SLC25A12: variants seen among roughly 807,000 people sequenced by gnomAD.
The protein encoded by SLC25A12 is solute carrier family 25 member 12, also known as electrogenic aspartate/glutamate antiporter SLC25A12, mitochondrial.
A neutral mutation model predicts 83.3 loss-of-function variants in SLC25A12; 32 were observed. That is an observed-to-expected ratio of 0.38 (90% CI 0.29 to 0.52). SLC25A12 has a LOEUF of 0.52. SLC25A12 is among the 20% of genes least tolerant of loss of function. The pLI, the probability that SLC25A12 is intolerant of heterozygous loss-of-function variation, is 0.84. For missense variants in SLC25A12, 611 were observed against 835.6 expected, an observed-to-expected ratio of 0.73 and a Z score of 3.31; for synonymous variants, 267 against 291.1, an observed-to-expected ratio of 0.92 and a Z score of 0.84.
At chr2:171,831,850 G>C (rs1417322350) in intron 8 of SLC25A12, among the ~76,000 whole-genome samples, 1 of 150,910 alleles carries the variant, frequency 6.6e-6, no homozygotes, top group Admixed American at 6.6e-5. Context: ...AGTGGGCTGA[G>C]ATCATGCCAC....
In SLC25A12 at chr2:171,855,553, C is replaced by A. The variant is rs188542634; in HGVS notation, c.325+281G>T. On this transcript the variant is annotated intron_variant, in intron 4 of 17. Transcript: ENST00000422440. Reference sequence around the variant, plus strand: ...GACCTTGTAAGGAATTTTGCCCAGGCTGGCCCAGAACAAGAAAATCTTACA... The same window carrying A: ...GACCTTGTAAGGAATTTTGCCCAGGATGGCCCAGAACAAGAAAATCTTACA... 2.7e-5 allele frequency among the ~76,000 whole-genome samples: 4 copies of A among 149,918 alleles called. No individual in the cohort carries two copies. In the East Asian group the frequency reaches 7.9e-4, roughly 30 times the overall value.
chr2:171,789,220 C>T (rs1023099285), intron 15 of SLC25A12, among the ~76,000 whole-genome samples: 24 of 152,058 alleles, frequency 1.6e-4, no homozygotes, highest in African/African-American at 4.8e-4. Context: ...TGAGACCTCA[C>T]ATTTACAGCC....
intron 2 of SLC25A12, 92 bp downstream of exon 2, chr2:171,893,113 G>T: frequency 1.0e-6 from 1 of 990,402 alleles, no homozygotes; most frequent in Non-Finnish European, 1.6e-6. Context: ...CATGAAAACT[G>T]AACATTCCTC....
At chr2:171,890,747 T>C (rs1233128950) in intron 2 of SLC25A12, among the ~76,000 whole-genome samples, 1 of 152,134 alleles carries the variant, frequency 6.6e-6, no homozygotes, top group Non-Finnish European at 1.5e-5. Flanking sequence ...CCTCCCAAAG[T>C]GCTGAGATTA....
rs375126289 is a variant in SLC25A12 at position 171,826,823 on chromosome 2, T to C, written c.905A>G (p.Tyr302Cys). ...IAPLAEGALP[Y>C]NLAELQRQQS... ...CTGTCTCTGAAGTTCTGCCAGGTTG[T>C]AAGGTAAGGCCCCCTCAGCCAATGG... Residue 302 changes from tyrosine to cysteine, a missense_variant, in exon 9 of 18, where the codon TAC (tyrosine) becomes TGC (cysteine). Transcript: ENST00000422440. The C allele has an allele frequency of 9.5e-5, 152 of 1,608,458 alleles. No individual in the cohort carries two copies. Among genetic ancestry groups the C allele is most frequent in the Non-Finnish European group, 1.3e-4 (147 of 1,175,102 alleles).
At chr2:171,887,260 A>C (rs1274349709) in intron 2 of SLC25A12, among the ~76,000 whole-genome samples, 1 of 152,224 alleles carries the variant, frequency 6.6e-6, no homozygotes, top group Non-Finnish European at 1.5e-5. Context: ...CTCTAACCTA[A>C]AATAAGACAG....
intron 3 of SLC25A12, among the ~76,000 whole-genome samples, chr2:171,868,287 G>A (rs190363642): frequency 1.6e-3 from 247 of 149,798 alleles, no homozygotes; most frequent in Middle Eastern, 0.011. Flanking sequence ...CTAGATACCC[G>A]TAGGTAAGTT....
chr2:171,809,719 T>A (rs996462610), intron 12 of SLC25A12, 33 bp from the exon 13 acceptor site: 4 of 1,483,566 alleles, frequency 2.7e-6, no homozygotes, highest in Non-Finnish European at 3.8e-6. Context: ...TTAACCAAAA[T>A]TCCCAACCAT....
chr2:171,823,642 C>A (rs1408982650), intron 9 of SLC25A12, among the ~76,000 whole-genome samples: 1 of 152,148 alleles, frequency 6.6e-6, no homozygotes, highest in African/African-American at 2.4e-5. Context: ...GAAAGACTAT[C>A]TTCTATGTGA....
In SLC25A12 at chr2:171,888,545, G is replaced by A. The variant is rs183925940; in HGVS notation, c.66+4660C>T. Among the ~76,000 whole-genome samples the A allele has an allele frequency of 8.5e-5, 13 of 152,088 alleles. No homozygotes were observed. In the East Asian group the frequency reaches 2.5e-3, roughly 29 times the overall value. The stretch of plus-strand genomic sequence containing the variant: ...CAACCCCCGCTTCCCGGGTTCAAGC[G>A]ATTCTCCTGCCTCAGCTTCCCTAGT... On this transcript the variant is annotated intron_variant, in intron 2 of 17. Transcript: ENST00000422440.
intron 6 of SLC25A12, among the ~76,000 whole-genome samples, chr2:171,835,534 G>A (rs1049971349): frequency 1.2e-4 from 19 of 152,166 alleles, no homozygotes; most frequent in African/African-American, 4.3e-4. Context: ...GGCGGGCAAC[G>A]TGGCCTTCAT....
chr2:171,834,621 C>A (rs1684518156), intron 7 of SLC25A12, 106 bp downstream of exon 7: 1 of 1,292,874 alleles, frequency 7.7e-7, no homozygotes, highest in Non-Finnish European at 1.1e-6. Flanking sequence ...TGGTAACATA[C>A]TTTCTAGATC....
At chr2:171,875,790 G>T (rs1438372803) in intron 2 of SLC25A12, among the ~76,000 whole-genome samples, 1 of 151,880 alleles carries the variant, frequency 6.6e-6, no homozygotes, top group Non-Finnish European at 1.5e-5. Flanking sequence ...GCGGGCGCCT[G>T]TAGTCCCCGC....
chr2:171,877,216 A>T (rs1685591165), intron 2 of SLC25A12, among the ~76,000 whole-genome samples: 1 of 152,208 alleles, frequency 6.6e-6, no homozygotes, highest in Non-Finnish European at 1.5e-5. Flanking sequence ...ATTACACTGA[A>T]CTATCTCTAG....
intron 2 of SLC25A12, among the ~76,000 whole-genome samples, chr2:171,887,733 A>G (rs1313947273): frequency 6.6e-6 from 1 of 152,238 alleles, no homozygotes. Flanking sequence ...GACAGTTGTA[A>G]GGGTGGTAAT....
chr2:171,835,721 A>G (rs992743164), intron 6 of SLC25A12, among the ~76,000 whole-genome samples: 1 of 152,236 alleles, frequency 6.6e-6, no homozygotes, highest in African/African-American at 2.4e-5. Context: ...GTAAATATCA[A>G]TGTAACAATT....
intron 15 of SLC25A12, chr2:171,788,212 A>G (rs554862243): frequency 1.6e-5 from 6 of 375,680 alleles, no homozygotes; most frequent in East Asian, 1.0e-4. Context: ...GTGAGAGAGA[A>G]AAAAAAAGTA....
At chr2:171,785,537 T>C in intron 17 of SLC25A12, 62 bp from the exon 18 acceptor site, 2 of 1,491,448 alleles carry the variant, frequency 1.3e-6, no homozygotes, top group Non-Finnish European at 1.9e-6. Context: ...AGCTTACAGC[T>C]GGACATTTTC....
In SLC25A12 at chr2:171,865,044, T is replaced by C. The variant is rs531320267; in HGVS notation, c.209+3637A>G. 1.2e-4 allele frequency among the ~76,000 whole-genome samples: 18 copies of C among 152,350 alleles called. 1 individual carries two copies. The East Asian group carries it at 1.5e-3, about 13-fold the overall frequency. On this transcript the variant is annotated intron_variant, in intron 3 of 17. Coordinates refer to ENST00000422440, the MANE Select transcript of SLC25A12 (RefSeq NM_003705.5). ...CTCTCCCCTAATTTATTTTTCATCA[T>C]AGTACTTACAGCTTTCTAACATACC...
Sources: gnomAD v4.1 joint callset for allele counts (sites outside exome capture counted in the v4.1 genomes callset) on GRCh38, gnomAD v4.1.1 for gene constraint, MANE v1.5 for transcripts, NCBI Gene and HGNC (gene_info 2026-07-23, HGNC 2026-07-21) for gene names.